SDK2: variants seen among roughly 807,000 people sequenced by gnomAD.
SDK2 encodes the protein protein sidekick-2.
Under a neutral mutation model 253.9 loss-of-function variants are expected in SDK2, and 105 were observed. The observed-to-expected ratio is 0.41, with a 90% confidence interval of 0.35 to 0.49. The LOEUF is 0.49. Among genes scored for constraint, SDK2 ranks in the 20% least tolerant of loss-of-function variants. The pLI, the probability that SDK2 is intolerant of heterozygous loss-of-function variation, is 0.06. For missense variants in SDK2, 2,608 were observed against 3,003.0 expected (o/e 0.87, Z 3.07); for synonymous variants, 1,249 against 1,234.9 (o/e 1.01, Z -0.24).
chr17:73,398,029 C>A lies in SDK2; in HGVS notation c.3354+6G>T, dbSNP rs778869325. ...GGTCCCACCCCTGCCCTCGAGGGAG[C>A]CTTACCATCCAGCGCAGCCACAGGC... On this transcript the variant is annotated splice_donor_region_variant and intron_variant, in intron 24 of 44. Transcript: ENST00000392650. 8.1e-6 allele frequency: 13 copies of A among 1,610,186 alleles called. No individual in the cohort carries two copies. The South Asian group carries it at 1.3e-4, about 16-fold the overall frequency.
At chr17:73,573,034 G>A (rs143289210) in intron 1 of SDK2, among the ~76,000 whole-genome samples, 10 of 152,230 alleles carry the variant, frequency 6.6e-5, no homozygotes, top group East Asian at 3.9e-4. Flanking sequence ...ATGAAGGAAC[G>A]GGTGACTGCC....
intron 44 of SDK2, among the ~76,000 whole-genome samples, chr17:73,344,299 C>T (rs1346274764): frequency 6.6e-6 from 1 of 152,182 alleles, no homozygotes; most frequent in Non-Finnish European, 1.5e-5. Flanking sequence ...TGTACCCCTC[C>T]CCCCACACCC....
At chr17:73,622,145 CA>C (rs756675160) in intron 1 of SDK2, among the ~76,000 whole-genome samples, 85 of 152,220 alleles carry the variant, frequency 5.6e-4, no homozygotes, top group Non-Finnish European at 8.8e-4. Context: ...TGCTGAGCTC[CA>C]ATTGCCCAAA....
chr17:73,569,780 T>C (rs1599687392), intron 1 of SDK2, among the ~76,000 whole-genome samples: 1 of 151,946 alleles, frequency 6.6e-6, no homozygotes, highest in African/African-American at 2.4e-5. Context: ...CATTGGTAGA[T>C]GGGCGATGAG....
At chr17:73,636,680 C>CAAAAAAAAAAAAAAA (rs561026344) in intron 1 of SDK2, among the ~76,000 whole-genome samples, 87 of 50,926 alleles carry the variant, frequency 1.7e-3, no homozygotes, top group Non-Finnish European at 2.3e-3. Flanking sequence ...GACTCTGTCT[C>CAAAAAAAAAAAAAAA]AAAAAAAAAA....
chr17:73,405,500 ATATATAT>A (rs2063067723), intron 18 of SDK2, among the ~76,000 whole-genome samples: 2 of 99,822 alleles, frequency 2.0e-5, no homozygotes, highest in South Asian at 3.9e-4. Context: ...ATATATATAT[ATATATAT>A]ATATATATAT....
chr17:73,345,839 A>C (rs769465850), intron 44 of SDK2, among the ~76,000 whole-genome samples: 12 of 152,284 alleles, frequency 7.9e-5, no homozygotes, highest in South Asian at 2.1e-4. Context: ...AATCCTTAGA[A>C]TCCTTCCTGG....
chr17:73,413,014 C>T (rs1404100062), intron 18 of SDK2, among the ~76,000 whole-genome samples: 1 of 152,122 alleles, frequency 6.6e-6, no homozygotes, highest in African/African-American at 2.4e-5. Context: ...TTGTTTAAGC[C>T]AGGGTTCCCC....
intron 1 of SDK2, among the ~76,000 whole-genome samples, chr17:73,558,597 A>T (rs2045180869): frequency 6.6e-6 from 1 of 152,182 alleles, no homozygotes; most frequent in African/African-American, 2.4e-5. Flanking sequence ...ACAGCTCAGC[A>T]TTATTAGGCA....
At chr17:73,578,839 G>A (rs1454702159) in intron 1 of SDK2, among the ~76,000 whole-genome samples, 1 of 152,138 alleles carries the variant, frequency 6.6e-6, no homozygotes, top group Non-Finnish European at 1.5e-5. Context: ...CTTCCCATTC[G>A]AAGCTTCATC....
At position 73,433,733 on chromosome 17, in the gene SDK2, T is replaced by C; in HGVS notation, c.1311A>G (p.Lys437=). ...TCTCTGAAGGTGTGTTCCATCTACC[T>C]TTCTGCCAAGTGATAGCTGGTCGGG... ...GAPRPAITWQ[K]GERILASGSV... is the part of the protein sequence containing the mutation. Residue 437 remains lysine (K), a splice_region_variant and synonymous_variant, in exon 10 of 45, where the codon AAA becomes AAG. Transcript: ENST00000392650. The C allele has an allele frequency of 6.3e-7, 1 of 1,596,488 alleles. No homozygotes were observed.
chr17:73,617,968 AT>A (rs2046082038), intron 1 of SDK2, among the ~76,000 whole-genome samples: 1 of 152,194 alleles, frequency 6.6e-6, no homozygotes, highest in African/African-American at 2.4e-5. Context: ...GAAAAACAAG[AT>A]GTCAGGAGGG....
chr17:73,561,883 T>TG (rs1401097431), intron 1 of SDK2, among the ~76,000 whole-genome samples: 1 of 152,188 alleles, frequency 6.6e-6, no homozygotes, highest in Non-Finnish European at 1.5e-5. Flanking sequence ...CCCAGCACTT[T>TG]GGGGGGCTGA....
intron 2 of SDK2, among the ~76,000 whole-genome samples, chr17:73,503,257 A>G (rs973090036): frequency 6.6e-6 from 1 of 152,266 alleles, no homozygotes; most frequent in Non-Finnish European, 1.5e-5. Flanking sequence ...AGGTACGTCC[A>G]TCCGAACAAA....
intron 29 of SDK2, 115 bp downstream of exon 29, chr17:73,390,172 A>G: frequency 2.2e-6 from 2 of 905,672 alleles, no homozygotes; most frequent in Non-Finnish European, 3.2e-6. Context: ...CCCACCTTCC[A>G]TTCTCATCCA....
chr17:73,454,078 G>C (rs898405808), intron 4 of SDK2, among the ~76,000 whole-genome samples: 1 of 152,218 alleles, frequency 6.6e-6, no homozygotes, highest in Non-Finnish European at 1.5e-5. Context: ...ATGCTGTACA[G>C]GTTTATAGCC....
At chr17:73,397,252 C>T (rs1376817993) in intron 24 of SDK2, among the ~76,000 whole-genome samples, 2 of 152,162 alleles carry the variant, frequency 1.3e-5, no homozygotes, top group Non-Finnish European at 1.5e-5. Context: ...CCTGGGATTG[C>T]TGCTCTGTGG....
rs1251323739 is a variant in SDK2 at position 73,639,639 on chromosome 17, C to T, written c.64+4386G>A. On this transcript the variant is annotated intron_variant, in intron 1 of 44. Coordinates refer to ENST00000392650, the MANE Select transcript of SDK2 (RefSeq NM_001144952.2). This position sits in a 1 kb window ranked among gnomAD's most constrained non-coding sequence, Gnocchi z 4.3. ...TGCTCCAGGGGGAGCGGGGTAGAAA[C>T]CCCGCAGGGCGCACACTAACACCCG... Among the ~76,000 whole-genome samples, 3 of 152,148 alleles carry T rather than the reference C, an allele frequency of 2.0e-5. No individual in the cohort carries two copies. Among genetic ancestry groups the T allele is most frequent in the African/African-American group, 4.8e-5 (2 of 41,446 alleles).
intron 1 of SDK2, among the ~76,000 whole-genome samples, chr17:73,588,197 A>AC (rs57740393): frequency 0.17 from 22,367 of 130,006 alleles, 1,857 homozygotes; most frequent in African/African-American, 0.22. Context: ...ACATGGAGAG[A>AC]CCCCCCCCCC....
Sources: gnomAD v4.1 joint callset for allele counts (sites outside exome capture counted in the v4.1 genomes callset) on GRCh38, gnomAD v4.1.1 for gene constraint, Gnocchi (gnomAD v3.1) non-coding constraint, MANE v1.5 for transcripts, NCBI Gene and HGNC (gene_info 2026-07-23, HGNC 2026-07-21) for gene names.